Variants in KTN1 observed in about 807,000 individuals in gnomAD.
The protein encoded by KTN1 is kinectin 1, also known as kinectin.
A neutral mutation model predicts 222.5 loss-of-function variants in KTN1; 130 were observed. The ratio of observed to expected loss-of-function variants is 0.58; its 90% confidence interval spans 0.51 to 0.68. The LOEUF is 0.68. Among genes scored for constraint, KTN1 ranks in the 30% least tolerant of loss-of-function variants. The pLI, the probability that KTN1 is intolerant of heterozygous loss-of-function variation, is 0.00. For synonymous variants in KTN1, 512 were observed against 496.3 expected (o/e 1.03, Z -0.42); for missense variants, 1,508 against 1,500.4 (o/e 1.01, Z -0.08).
At chr14:55,682,407 C>T (rs527836654) in intron 43 of KTN1, 40 of 152,250 alleles carry the variant, frequency 2.6e-4, no homozygotes, top group African/African-American at 8.7e-4. Flanking sequence ...TCCCAGATAT[C>T]TACTCTTTAT....
At chr14:55,677,785 GCCTC>G (rs1178170112) in intron 41 of KTN1, among the ~76,000 whole-genome samples, 1 of 152,076 alleles carries the variant, frequency 6.6e-6, no homozygotes, top group Non-Finnish European at 1.5e-5. Context: ...TGCAACCTCC[GCCTC>G]CCAGGTTCAG....
chr14:55,678,054 G>A (rs888346576), intron 41 of KTN1, among the ~76,000 whole-genome samples: 1 of 152,150 alleles, frequency 6.6e-6, no homozygotes, highest in African/African-American at 2.4e-5. Context: ...ACAAAAACAG[G>A]CTTTGGGCCA....
At chr14:55,595,377 T>TAA (rs952293210) in intron 1 of KTN1, among the ~76,000 whole-genome samples, 3 of 152,254 alleles carry the variant, frequency 2.0e-5, no homozygotes, top group African/African-American at 7.2e-5. Flanking sequence ...ATTATGTGGT[T>TAA]AAGTCTGTAG....
chr14:55,666,417 G>C (rs889745061), intron 33 of KTN1, among the ~76,000 whole-genome samples: 1 of 151,146 alleles, frequency 6.6e-6, no homozygotes, highest in African/African-American at 2.4e-5. Context: ...TTTTTATAGG[G>C]GTCTTTTTTT....
intron 20 of KTN1, 63 bp downstream of exon 20, chr14:55,648,178 T>C: frequency 2.5e-6 from 2 of 798,732 alleles, no homozygotes; most frequent in East Asian, 3.0e-5. Context: ...GATTTCTCTG[T>C]AATTTGTGTA....
intron 34 of KTN1, among the ~76,000 whole-genome samples, chr14:55,669,481 A>T (rs1323662451): frequency 6.6e-6 from 1 of 151,804 alleles, no homozygotes; most frequent in Non-Finnish European, 1.5e-5. Context: ...ATAATAAAGC[A>T]ATAAGCTTCA....
intron 1 of KTN1, among the ~76,000 whole-genome samples, chr14:55,583,824 C>A (rs2032308773): frequency 6.6e-6 from 1 of 152,186 alleles, no homozygotes. Context: ...TATTTTTCCT[C>A]AAACATGTTT....
chr14:55,656,930 A>T (rs1382755406), intron 29 of KTN1, among the ~76,000 whole-genome samples: 1 of 152,212 alleles, frequency 6.6e-6, no homozygotes, highest in Non-Finnish European at 1.5e-5. Flanking sequence ...AGGCTTATGT[A>T]GCTTTTTTGT....
chr14:55,648,831 A>T lies in KTN1; in HGVS notation c.2328A>T (p.Thr776=). 1 of 1,606,304 alleles carries T rather than the reference A, an allele frequency of 6.2e-7. No homozygotes were observed. Among genetic ancestry groups the T allele is most frequent in the Non-Finnish European group, 8.5e-7 (1 of 1,173,850 alleles). ...NAIRTENSSL[T]KEVQDLKAKQ... is the part of the protein sequence containing the mutation. ...TAAGAACAGAAAATTCATCTCTGAC[A>T]AAAGAAGTTCAAGACTTAAAAGCTA... The change falls in exon 21 of 44, where the codon ACA becomes ACT. Residue 776 remains threonine (T), a synonymous_variant. Coordinates refer to ENST00000395314, the MANE Select transcript of KTN1 (RefSeq NM_001079521.2).
chr14:55,674,791 A>C (rs2045756099), intron 40 of KTN1: 1 of 151,908 alleles, frequency 6.6e-6, no homozygotes. Context: ...TTTTTTCCCT[A>C]GTCTTGAGTT....
chr14:55,670,137 C>T (rs751760330), intron 34 of KTN1, among the ~76,000 whole-genome samples: 2 of 151,942 alleles, frequency 1.3e-5, no homozygotes, highest in African/African-American at 4.8e-5. Context: ...TGGATTTAAA[C>T]AAGTGAATGT....
chr14:55,587,702 G>A (rs2033306705), intron 1 of KTN1, among the ~76,000 whole-genome samples: 1 of 152,118 alleles, frequency 6.6e-6, no homozygotes, highest in Non-Finnish European at 1.5e-5. Flanking sequence ...TTGGCTGAAT[G>A]TCATGATTTC....
intron 37 of KTN1, 36 bp downstream of exon 37, chr14:55,671,913 C>G (rs1245793828): frequency 8.1e-7 from 1 of 1,229,762 alleles, no homozygotes; most frequent in East Asian, 2.3e-5. Flanking sequence ...CAGTGGTTCT[C>G]GATGTGTGGG....
intron 29 of KTN1, chr14:55,656,341 G>A: frequency 2.1e-6 from 1 of 474,248 alleles, no homozygotes; most frequent in Non-Finnish European, 3.7e-6. Context: ...ATACTCTGTT[G>A]AACTATACTA....
At position 55,619,282 on chromosome 14, in the gene KTN1, G is replaced by T. The variant is rs766679618; in HGVS notation, c.933G>T (p.Lys311Asn). The stretch of plus-strand genomic sequence containing the variant: ...GTGTTGTAGACTTGCTAAAGGAGAA[G>T]TCTGGTGTAATACAAGATGCTTTAA... ...ALCVVDLLKE[K>N]SGVIQDALKK... The change falls in exon 5 of 44, where the codon AAG (lysine) becomes AAT (asparagine). Residue 311 changes from lysine to asparagine, a missense_variant. Physicochemically the swap from Lys to Asn is moderately conservative, Grantham distance 94. Coordinates refer to ENST00000395314, the MANE Select transcript of KTN1 (RefSeq NM_001079521.2). 3.7e-6 allele frequency: 6 copies of T among 1,613,630 alleles called. No individual in the cohort carries two copies. Among genetic ancestry groups the T allele is most frequent in the Non-Finnish European group, 4.2e-6 (5 of 1,179,748 alleles).
intron 18 of KTN1, among the ~76,000 whole-genome samples, chr14:55,643,058 T>A (rs1012859206): frequency 6.6e-6 from 1 of 152,082 alleles, no homozygotes; most frequent in South Asian, 2.1e-4. Flanking sequence ...TACAGGCATA[T>A]GCCACCATGC....
At chr14:55,675,981 C>A in intron 41 of KTN1, 63 bp downstream of exon 41, 1 of 1,030,144 alleles carries the variant, frequency 9.7e-7, no homozygotes, top group Non-Finnish European at 1.5e-6. Flanking sequence ...CAATCTTAAG[C>A]AAACTTATGC....
chr14:55,660,801 C>G (rs1242363941), intron 31 of KTN1, among the ~76,000 whole-genome samples: 1 of 152,036 alleles, frequency 6.6e-6, no homozygotes, highest in African/African-American at 2.4e-5. Flanking sequence ...ATAAATAAAA[C>G]AACACTTTAA....
At position 55,616,552 on chromosome 14, in the gene KTN1, C is replaced by T. The variant is rs375784009; in HGVS notation, c.559C>T (p.Pro187Ser). The change falls in exon 3 of 44, where the codon CCA (proline) becomes TCA (serine). Residue 187 changes from proline (P) to serine (S), a missense_variant. Physicochemically the swap from Pro to Ser is moderately conservative, Grantham distance 74. Transcript: ENST00000395314. ...QDKKVETLMVPSKRQEALPLH... is the reference protein window; with the variant it reads ...QDKKVETLMVSSKRQEALPLH... ...TAAAAAGGTGGAAACTCTCATGGTACCATCAAAAAGGCAAGAAGCATTGCC... is the reference window on the plus strand; with the variant it reads ...TAAAAAGGTGGAAACTCTCATGGTATCATCAAAAAGGCAAGAAGCATTGCC... 1.5e-5 allele frequency: 24 copies of T among 1,598,996 alleles called. No individual in the cohort carries two copies. The highest frequency in any genetic ancestry group is 9.0e-5 in the East Asian group (4 of 44,430).
Sources: gnomAD v4.1 joint callset for allele counts (sites outside exome capture counted in the v4.1 genomes callset) on GRCh38, gnomAD v4.1.1 for gene constraint, MANE v1.5 for transcripts, NCBI Gene and HGNC (gene_info 2026-07-23, HGNC 2026-07-21) for gene names.